The following CAPZB variants were observed in gnomAD, a reference collection of about 807,000 sequenced individuals.
The protein encoded by CAPZB is F-actin-capping protein subunit beta.
Under a neutral mutation model 38.1 loss-of-function variants are expected in CAPZB, and 2 were observed. The observed-to-expected ratio is 0.05, with a 90% CI of 0.02 to 0.17. CAPZB has a LOEUF of 0.17. CAPZB is among the 10% of genes least tolerant of loss of function. The probability of loss-of-function intolerance (pLI) is 1.00; values close to 1 mark genes in which losing one functional copy is unlikely to be tolerated. For synonymous variants in CAPZB, 107 were observed against 127.4 expected (o/e 0.84, Z 1.08); for missense variants, 161 against 334.2 (o/e 0.48, Z 4.04).
chr1:19,456,668 C>T lies in CAPZB; in HGVS notation c.3+28768G>A, dbSNP rs140313117. On this transcript the variant is annotated intron_variant, in intron 1 of 8. Coordinates refer to ENST00000264202, the MANE Select transcript of CAPZB (RefSeq NM_004930.5). ...CTTTAAGGATCAGACCATCCCACAA[C>T]GTGACATCCTCGAACAGACTATTTC... 7.1e-3 allele frequency among the ~76,000 whole-genome samples: 1,080 copies of T among 152,290 alleles called. 6 individuals carry two copies. The highest frequency in any genetic ancestry group is 0.024 in the African/African-American group (979 of 41,570).
At chr1:19,353,235 G>C (rs1024067638) in intron 6 of CAPZB, among the ~76,000 whole-genome samples, 1 of 152,188 alleles carries the variant, frequency 6.6e-6, no homozygotes, top group African/African-American at 2.4e-5. Flanking sequence ...GGCCTGGGGA[G>C]ACAGCTCCAA....
intron 6 of CAPZB, among the ~76,000 whole-genome samples, chr1:19,352,711 G>C (rs1477985958): frequency 6.6e-6 from 1 of 152,244 alleles, no homozygotes; most frequent in African/African-American, 2.4e-5. Flanking sequence ...CAGCCTCACT[G>C]CTGCGGGAAT....
At chr1:19,358,528 G>A (rs1444064151) in intron 4 of CAPZB, among the ~76,000 whole-genome samples, 1 of 152,214 alleles carries the variant, frequency 6.6e-6, no homozygotes, top group Non-Finnish European at 1.5e-5. Context: ...TGAGAAATGG[G>A]AATCAGTCTG....
At chr1:19,410,020 A>G (rs1185070762) in intron 2 of CAPZB, among the ~76,000 whole-genome samples, 1 of 152,258 alleles carries the variant, frequency 6.6e-6, no homozygotes, top group Non-Finnish European at 1.5e-5. Flanking sequence ...CTGTTTCAAC[A>G]CATTTATTGA....
At chr1:19,423,407 G>A (rs1008808767) in intron 1 of CAPZB, among the ~76,000 whole-genome samples, 1 of 151,758 alleles carries the variant, frequency 6.6e-6, no homozygotes, top group African/African-American at 2.4e-5. Flanking sequence ...CAACGTAAGT[G>A]ACCCAGGAAA....
chr1:19,458,096 T>C (rs971922446), intron 1 of CAPZB, among the ~76,000 whole-genome samples: 6 of 84,924 alleles, frequency 7.1e-5, no homozygotes, highest in South Asian at 1.1e-3. Flanking sequence ...TAAAAGGAGT[T>C]GCCAAAAAAA....
rs1173297832 is a variant in CAPZB at position 19,339,354 on chromosome 1, G to A, written c.*176C>T. Reference sequence around the variant, plus strand: ...TGTGGCAGAAGCAGGCTCGGAGCCGGAGGAGGGTGGCTATCGGCTTTATTC... The same window carrying A: ...TGTGGCAGAAGCAGGCTCGGAGCCGAAGGAGGGTGGCTATCGGCTTTATTC... On this transcript the variant is annotated 3_prime_UTR_variant, in exon 9 of 9. Transcript: ENST00000264202. 3 of 663,754 alleles carry A rather than the reference G, an allele frequency of 4.5e-6. No homozygotes were observed. Among genetic ancestry groups the A allele is most frequent in the South Asian group, 1.7e-5 (1 of 57,308 alleles). The allele number at this position is 663,754 out of a possible 1,614,324, so 41.1% of individuals were successfully genotyped here.
intron 1 of CAPZB, among the ~76,000 whole-genome samples, chr1:19,430,013 C>T (rs1335722934): frequency 6.6e-6 from 1 of 152,208 alleles, no homozygotes; most frequent in Non-Finnish European, 1.5e-5. Flanking sequence ...ATGCAGCTTG[C>T]TTTCTGAAGC....
chr1:19,397,038 C>T (rs1450297974), intron 2 of CAPZB, among the ~76,000 whole-genome samples: 1 of 152,012 alleles, frequency 6.6e-6, no homozygotes, highest in African/African-American at 2.4e-5. Context: ...GGTAAAAATA[C>T]ACAAACATAA....
At chr1:19,392,996 C>A (rs2094245466) in intron 2 of CAPZB, among the ~76,000 whole-genome samples, 1 of 152,182 alleles carries the variant, frequency 6.6e-6, no homozygotes, top group Non-Finnish European at 1.5e-5. Context: ...ATGGCCTCCA[C>A]CAGCCTATGA....
chr1:19,387,689 G>T (rs1454807339), intron 2 of CAPZB, among the ~76,000 whole-genome samples: 1 of 152,142 alleles, frequency 6.6e-6, no homozygotes, highest in Non-Finnish European at 1.5e-5. Flanking sequence ...TCCTGACTCC[G>T]CTGCGTACAA....
chr1:19,418,359 C>T lies in CAPZB; in HGVS notation c.93+1302G>A, dbSNP rs569920574. On this transcript the variant is annotated intron_variant, in intron 2 of 8. Transcript: ENST00000264202. ...GCCCACTTCAATGATCTTCCTCACT[C>T]GCTGGCTCCTGGCCGGGGACCCCTG... Among the ~76,000 whole-genome samples the T allele has an allele frequency of 2.3e-3, 347 of 152,264 alleles. 3 individuals are homozygous for T. The highest frequency in any genetic ancestry group is 8.1e-3 in the African/African-American group (336 of 41,538).
rs201882034 is a variant in CAPZB, at chr1:19,366,283, A to AATATATATAT, written c.330-8730_330-8721dup. 7.9e-3 allele frequency among the ~76,000 whole-genome samples: 476 copies of AATATATATAT among 60,424 alleles called. 23 individuals carry two copies. The highest frequency in any genetic ancestry group is 0.028 in the African/African-American group (440 of 15,638). 39.6% of individuals were successfully genotyped at this position (60,424 alleles called of 152,430 possible). ...GCAACATAGTGAGACCGTGTCTTAA[A>AATATATATAT]ATATATATATATATATATATATATA... On this transcript the variant is annotated intron_variant, in intron 4 of 8. Coordinates refer to ENST00000264202, the MANE Select transcript of CAPZB (RefSeq NM_004930.5).
chr1:19,443,332 G>A (rs965096451), intron 1 of CAPZB, among the ~76,000 whole-genome samples: 1 of 152,156 alleles, frequency 6.6e-6, no homozygotes, highest in Non-Finnish European at 1.5e-5. Flanking sequence ...GGAGGTCAAA[G>A]CTTCAGTGAG....
intron 2 of CAPZB, among the ~76,000 whole-genome samples, chr1:19,405,308 G>A (rs114155758): frequency 0.031 from 4,683 of 152,076 alleles, 167 homozygotes; most frequent in Non-Finnish European, 0.038. Flanking sequence ...GCAGGTGCTC[G>A]GAAGCCAGAG....
chr1:19,408,580 G>A (rs1457608804), intron 2 of CAPZB, among the ~76,000 whole-genome samples: 1 of 152,242 alleles, frequency 6.6e-6, no homozygotes, highest in Non-Finnish European at 1.5e-5. Context: ...AGGCCTGAGA[G>A]AAACTGAGGT....
At chr1:19,400,464 G>C (rs1455505666) in intron 2 of CAPZB, among the ~76,000 whole-genome samples, 2 of 152,170 alleles carry the variant, frequency 1.3e-5, no homozygotes, top group African/African-American at 2.4e-5. Context: ...CATGTTCTAA[G>C]GGGGGCGACC....
intron 1 of CAPZB, among the ~76,000 whole-genome samples, chr1:19,480,576 C>G (rs1197587194): frequency 6.6e-6 from 1 of 152,192 alleles, no homozygotes; most frequent in African/African-American, 2.4e-5. Flanking sequence ...AGACAAGGTC[C>G]CTGCTCTCAC....
intron 1 of CAPZB, among the ~76,000 whole-genome samples, chr1:19,451,396 G>A (rs1014675775): frequency 6.6e-6 from 1 of 152,196 alleles, no homozygotes; most frequent in Non-Finnish European, 1.5e-5. Context: ...CTTTCAGAGT[G>A]GAAATGGACA....
Sources: allele counts gnomAD v4.1 joint callset (sites outside exome capture counted in the v4.1 genomes callset), GRCh38; gene constraint gnomAD v4.1.1; transcripts MANE v1.5; gene names NCBI Gene and HGNC (gene_info 2026-07-23, HGNC 2026-07-21).